Variants in PDE4D observed in about 807,000 individuals in gnomAD.
PDE4D encodes 3',5'-cyclic-AMP phosphodiesterase 4D.
A neutral mutation model predicts 87.4 loss-of-function variants in PDE4D; 24 were observed. The ratio of observed to expected loss-of-function variants is 0.27; its 90% CI spans 0.20 to 0.39. PDE4D has a LOEUF of 0.39. PDE4D is among the 10% of genes least tolerant of loss of function. The pLI, the probability that PDE4D is intolerant of heterozygous loss-of-function variation, is 1.00. For missense variants in PDE4D, 714 were observed against 1,041.0 expected (o/e 0.69, Z 4.32); for synonymous variants, 384 against 383.2 (o/e 1.00, Z -0.02).
At chr5:59,733,968 T>C (rs1355315108) in intron 1 of PDE4D, among the ~76,000 whole-genome samples, 3 of 152,144 alleles carry the variant, frequency 2.0e-5, no homozygotes, top group African/African-American at 4.8e-5. Flanking sequence ...TTAATCTAAA[T>C]AGGGAATTTT....
chr5:59,895,201 G>C (rs1191780468), upstream of PDE4D, among the ~76,000 whole-genome samples: 1 of 152,186 alleles, frequency 6.6e-6, no homozygotes. Context: ...TCTCCACACA[G>C]TCTAGATGCC....
At position 59,039,591 on chromosome 5, in the gene PDE4D, C is replaced by T. The variant is rs139680037; in HGVS notation, c.809-620G>A. On this transcript the variant is annotated intron_variant, in intron 5 of 14. Transcript: ENST00000340635. ...CGCCGCAGCTTTCCGGGAACACTCC[C>T]CCTCACGCCCCTCTCGGCCCTCGGC... The T allele has an allele frequency of 2.9e-4, 238 of 825,130 alleles. 4 individuals carry two copies. In the East Asian group the frequency reaches 0.025, roughly 87 times the overall value. The allele number at this position is 825,130 out of a possible 1,614,324, so 51.1% of individuals were successfully genotyped here.
chr5:59,433,296 A>T (rs2153632722), intron 1 of PDE4D, among the ~76,000 whole-genome samples: 1 of 152,180 alleles, frequency 6.6e-6, no homozygotes, highest in South Asian at 2.1e-4. Flanking sequence ...TTTTCTTAGC[A>T]GGGGCATTTT....
At chr5:59,852,685 ATTGTT>A (rs1328494444) in intron 1 of PDE4D, among the ~76,000 whole-genome samples, 1 of 152,074 alleles carries the variant, frequency 6.6e-6, no homozygotes, top group Non-Finnish European at 1.5e-5. Flanking sequence ...AAATTTCATT[ATTGTT>A]TTAAGCTGCT....
intron 6 of PDE4D, among the ~76,000 whole-genome samples, chr5:59,026,270 G>C (rs1756218795): frequency 6.6e-6 from 1 of 152,126 alleles, no homozygotes; most frequent in African/African-American, 2.4e-5. Flanking sequence ...AAATTTCTGA[G>C]ACATGAGTAT....
At chr5:60,332,804 A>G (rs1478334963) in intron 1 of PDE4D, among the ~76,000 whole-genome samples, 1 of 152,096 alleles carries the variant, frequency 6.6e-6, no homozygotes, top group Non-Finnish European at 1.5e-5. Context: ...TAAAAAAAAG[A>G]GCCTTCTCTC....
chr5:59,770,985 G>A (rs1199626553), intron 1 of PDE4D, among the ~76,000 whole-genome samples: 3 of 151,850 alleles, frequency 2.0e-5, no homozygotes, highest in Admixed American at 2.0e-4. Flanking sequence ...TTAAAAAATA[G>A]CTGAGTGTGG....
At chr5:59,650,942 T>C in intron 1 of PDE4D, among the ~76,000 whole-genome samples, 1 of 152,178 alleles carries the variant, frequency 6.6e-6, no homozygotes, top group East Asian at 1.9e-4. Context: ...ATAAATTCAT[T>C]AATAAACTTT....
At chr5:59,199,977 C>A (rs1191870191) in intron 2 of PDE4D, among the ~76,000 whole-genome samples, 1 of 151,164 alleles carries the variant, frequency 6.6e-6, no homozygotes, top group Admixed American at 6.6e-5. Flanking sequence ...CACATACATA[C>A]ATATATACAC....
chr5:60,446,054 A>G (rs559695520), intron 1 of PDE4D, among the ~76,000 whole-genome samples: 3 of 152,260 alleles, frequency 2.0e-5, no homozygotes, highest in African/African-American at 7.2e-5. Flanking sequence ...AAACTACCCA[A>G]CCTCACTAGT....
intron 2 of PDE4D, among the ~76,000 whole-genome samples, chr5:60,065,410 A>G (rs1459529975): frequency 6.6e-6 from 1 of 152,016 alleles, no homozygotes; most frequent in African/African-American, 2.4e-5. Context: ...AGTAGGTTAC[A>G]TGACCTTAAA....
At chr5:59,896,186 C>T (rs1034178027), upstream of PDE4D, among the ~76,000 whole-genome samples, 2 of 152,166 alleles carry the variant, frequency 1.3e-5, no homozygotes, top group African/African-American at 4.8e-5. Flanking sequence ...ATATTACCTA[C>T]TTCACAGAAT....
At chr5:60,167,710 T>A (rs1047360468) in intron 2 of PDE4D, among the ~76,000 whole-genome samples, 8 of 152,182 alleles carry the variant, frequency 5.3e-5, no homozygotes, top group Non-Finnish European at 1.2e-4. Context: ...CACTTAATGT[T>A]CTCCTTTTTT....
At chr5:59,010,997 G>A (rs949478346) in intron 6 of PDE4D, among the ~76,000 whole-genome samples, 3 of 152,130 alleles carry the variant, frequency 2.0e-5, no homozygotes, top group Middle Eastern at 3.2e-3. Context: ...TTTGCGGTTC[G>A]GCAGCCTCTG....
intron 1 of PDE4D, among the ~76,000 whole-genome samples, chr5:60,500,454 G>A (rs1261299580): frequency 1.3e-5 from 2 of 152,116 alleles, no homozygotes; most frequent in African/African-American, 2.4e-5. Flanking sequence ...TCCATAGATT[G>A]TCCAAAATGA....
At chr5:60,118,611 C>T (rs1373658027) in intron 2 of PDE4D, among the ~76,000 whole-genome samples, 1 of 143,942 alleles carries the variant, frequency 6.9e-6, no homozygotes, top group African/African-American at 2.6e-5. Flanking sequence ...TGAGAATCTG[C>T]AATAAATAAA....
At chr5:59,559,512 T>C (rs1299361282) in intron 1 of PDE4D, among the ~76,000 whole-genome samples, 2 of 152,190 alleles carry the variant, frequency 1.3e-5, no homozygotes, top group Non-Finnish European at 2.9e-5. Flanking sequence ...TCAAAGCCCC[T>C]AAGCCTCCAG....
intron 1 of PDE4D, among the ~76,000 whole-genome samples, chr5:59,327,196 C>CAA (rs200886052): frequency 2.0e-4 from 26 of 132,042 alleles, no homozygotes; most frequent in Admixed American, 4.4e-4. Flanking sequence ...AATGAAATAC[C>CAA]AAAAAAAAAA....
intron 1 of PDE4D, among the ~76,000 whole-genome samples, chr5:59,389,086 A>G (rs1024413235): frequency 6.6e-6 from 1 of 152,040 alleles, no homozygotes; most frequent in Non-Finnish European, 1.5e-5. Context: ...CCCTGAAACT[A>G]TATGAAAAAT....
Sources: allele counts gnomAD v4.1 joint callset (sites outside exome capture counted in the v4.1 genomes callset), GRCh38; gene constraint gnomAD v4.1.1; transcripts MANE v1.5; gene names NCBI Gene and HGNC (gene_info 2026-07-23, HGNC 2026-07-21).